SYNE2: variants seen among roughly 807,000 people sequenced by gnomAD.
The protein encoded by SYNE2 is spectrin repeat containing nuclear envelope protein 2, also known as nesprin-2.
In SYNE2, 431 loss-of-function variants were observed where a neutral mutation model predicts 856.3. The observed-to-expected ratio is 0.50, with a 90% confidence interval of 0.47 to 0.55. The LOEUF (loss-of-function observed/expected upper bound fraction) is 0.55, where lower values mean the gene tolerates loss of function less well. Ranked by LOEUF, SYNE2 falls within the 20% of genes least tolerant of loss-of-function variation. SYNE2 has a pLI of 0.00. For missense variants in SYNE2, 8,129 were observed against 8,023.2 expected (o/e 1.01, Z -0.50); for synonymous variants, 2,923 against 2,872.3 (o/e 1.02, Z -0.56).
At chr14:64,206,048 C>A (rs1419298247) in intron 100 of SYNE2, among the ~76,000 whole-genome samples, 2 of 152,144 alleles carry the variant, frequency 1.3e-5, no homozygotes, top group Non-Finnish European at 2.9e-5. Flanking sequence ...GTCTTTTCAG[C>A]CTGTTTTTCT....
intron 17 of SYNE2, 43 bp from the exon 18 acceptor site, chr14:63,983,694 A>G (rs747298144): frequency 1.1e-5 from 16 of 1,515,644 alleles, no homozygotes; most frequent in Admixed American, 3.4e-5. Context: ...TTAGCATAAA[A>G]TAAAAATATG....
chr14:64,116,499 C>T (rs1020496499), intron 66 of SYNE2, among the ~76,000 whole-genome samples: 1 of 152,174 alleles, frequency 6.6e-6, no homozygotes, highest in Non-Finnish European at 1.5e-5. Context: ...CACACTGCAA[C>T]TTCTGCCTCC....
intron 1 of SYNE2, among the ~76,000 whole-genome samples, chr14:63,779,406 G>A (rs1040935239): frequency 1.4e-5 from 2 of 138,836 alleles, no homozygotes; most frequent in Non-Finnish European, 3.0e-5. Context: ...AAAATACTCT[G>A]TTCCCCTTCT....
chr14:64,078,724 C>A, intron 55 of SYNE2, 118 bp downstream of exon 55: 3 of 1,277,720 alleles, frequency 2.3e-6, no homozygotes, highest in Non-Finnish European at 2.2e-6. Context: ...AATTGTAAAC[C>A]AAATCCACAG....
At position 64,100,497 on chromosome 14, in the gene SYNE2, CAA is replaced by C. The variant is rs1433033946; in HGVS notation, c.12382-1434_12382-1433del. 10 of 75,452 alleles carry C rather than the reference CAA, an allele frequency of 1.3e-4. No individual in the cohort carries two copies. In the East Asian group the frequency reaches 3.5e-3, roughly 26 times the overall value. The allele number at this position is 75,452 out of a possible 1,614,324, so 4.7% of individuals were successfully genotyped here. A position where few individuals can be genotyped will look rare whatever the true frequency, so the allele number is the denominator to read the frequency against. Reference sequence around the variant, plus strand: ...CGCTGTTGCACTCCAGCCTGGGTGACAAGAGCAAAACTGTCTCAAAAAAAAAA... The same window carrying C: ...CGCTGTTGCACTCCAGCCTGGGTGACGAGCAAAACTGTCTCAAAAAAAAAA... On this transcript the variant is annotated intron_variant, in intron 63 of 115. Coordinates refer to ENST00000555002, the MANE Select transcript of SYNE2 (RefSeq NM_182914.3).
chr14:64,092,954 C>A (rs2097640097), intron 60 of SYNE2, among the ~76,000 whole-genome samples: 1 of 150,092 alleles, frequency 6.7e-6, no homozygotes, highest in Non-Finnish European at 1.5e-5. Flanking sequence ...TGCGGAAAGC[C>A]CCCCCGCTCC....
At chr14:64,176,274 A>T (rs1374774042) in intron 95 of SYNE2, among the ~76,000 whole-genome samples, 1 of 152,236 alleles carries the variant, frequency 6.6e-6, no homozygotes, top group Non-Finnish European at 1.5e-5. Context: ...AAGAAAAGAG[A>T]TGGTTGACCC....
intron 2 of SYNE2, among the ~76,000 whole-genome samples, chr14:63,928,580 A>G (rs180858339): frequency 2.0e-5 from 3 of 152,348 alleles, no homozygotes; most frequent in Non-Finnish European, 4.4e-5. Flanking sequence ...TCTGTAGTAA[A>G]GTAACAGGCT....
chr14:63,826,444 C>T (rs1889434417), intron 1 of SYNE2, among the ~76,000 whole-genome samples: 1 of 152,156 alleles, frequency 6.6e-6, no homozygotes, highest in African/African-American at 2.4e-5. Context: ...GGACTACAGG[C>T]ATGTGCCACC....
At chr14:63,817,196 A>C (rs1000852769) in intron 1 of SYNE2, among the ~76,000 whole-genome samples, 1 of 152,158 alleles carries the variant, frequency 6.6e-6, no homozygotes, top group South Asian at 2.1e-4. Flanking sequence ...GAGGTGATTC[A>C]TGCTTGTAAT....
chr14:63,987,521 A>T (rs951972719), intron 19 of SYNE2, among the ~76,000 whole-genome samples: 1 of 152,212 alleles, frequency 6.6e-6, no homozygotes, highest in African/African-American at 2.4e-5. Flanking sequence ...TTACAACAAG[A>T]TGGGAAGTTC....
chr14:64,026,519 A>G, intron 41 of SYNE2, 60 bp from the exon 42 acceptor site: 1 of 1,296,516 alleles, frequency 7.7e-7, no homozygotes, highest in Non-Finnish European at 1.1e-6. Context: ...ATAAAGAGAT[A>G]GCATGTAGTA....
At chr14:63,908,746 A>G (rs562511395) in intron 1 of SYNE2, among the ~76,000 whole-genome samples, 12 of 152,300 alleles carry the variant, frequency 7.9e-5, no homozygotes, top group Non-Finnish European at 1.3e-4. Flanking sequence ...CAATCACATA[A>G]CACTAATGCC....
chr14:64,006,968 C>A (rs369102194), intron 30 of SYNE2, 75 bp from the exon 31 acceptor site: 1 of 1,213,322 alleles, frequency 8.2e-7, no homozygotes. Context: ...AGTGTGCCTC[C>A]CCAAGTTACC....
At chr14:63,769,171 C>G (rs549160379) in intron 1 of SYNE2, among the ~76,000 whole-genome samples, 1 of 152,142 alleles carries the variant, frequency 6.6e-6, no homozygotes, top group African/African-American at 2.4e-5. Flanking sequence ...GTAACCAGAG[C>G]GATGAAGTAA....
At chr14:64,178,055 C>G (rs907930096) in intron 96 of SYNE2, among the ~76,000 whole-genome samples, 1 of 152,220 alleles carries the variant, frequency 6.6e-6, no homozygotes, top group Admixed American at 6.5e-5. Flanking sequence ...CCCTGCATCT[C>G]TTTTCTGTCT....
rs370910816 is a variant in SYNE2 at position 63,948,742 on chromosome 14, ATGTG to A, written c.409-1077_409-1074del. On this transcript the variant is annotated intron_variant, in intron 6 of 115. Transcript: ENST00000555002. ...TGTGTGTATATATATGTGTATAGATATGTGTGTGTATATATATGTATATATATGT... is the reference window on the plus strand; with the variant it reads ...TGTGTGTATATATATGTGTATAGATATGTGTATATATATGTATATATATGT... Among the ~76,000 whole-genome samples the A allele has an allele frequency of 4.9e-4, 47 of 95,568 alleles. 1 individual carries two copies. The highest frequency in any genetic ancestry group is 8.7e-4 in the East Asian group (3 of 3,446). 62.7% of individuals were successfully genotyped at this position (95,568 alleles called of 152,430 possible).
chr14:63,978,288 T>G (rs1189021642), intron 13 of SYNE2, among the ~76,000 whole-genome samples: 1 of 152,184 alleles, frequency 6.6e-6, no homozygotes, highest in Non-Finnish European at 1.5e-5. Context: ...TTACTCTCTT[T>G]TTGAGCATGT....
At chr14:63,946,596 A>G (rs1476533151) in intron 6 of SYNE2, among the ~76,000 whole-genome samples, 1 of 147,690 alleles carries the variant, frequency 6.8e-6, no homozygotes, top group South Asian at 2.1e-4. Context: ...TATTATATAT[A>G]TACTGTAATA....
Sources: gnomAD v4.1 joint callset for allele counts (sites outside exome capture counted in the v4.1 genomes callset) on GRCh38, gnomAD v4.1.1 for gene constraint, MANE v1.5 for transcripts, NCBI Gene and HGNC (gene_info 2026-07-23, HGNC 2026-07-21) for gene names.